The following RELN variants were observed in gnomAD, a reference collection of about 807,000 sequenced individuals.
RELN encodes the protein reelin.
RELN carries 108 observed loss-of-function variants against 427.6 expected under a neutral mutation model. The ratio of observed to expected loss-of-function variants is 0.25; its 90% confidence interval spans 0.22 to 0.30. The LOEUF (loss-of-function observed/expected upper bound fraction) is 0.30. Ranked by LOEUF, RELN falls within the 10% of genes least tolerant of loss-of-function variation. The pLI is 1.00. For missense variants in RELN, 3,715 were observed against 4,302.8 expected, an observed-to-expected ratio of 0.86 and a Z score of 3.82; for synonymous variants, 1,524 against 1,513.4, an observed-to-expected ratio of 1.01 and a Z score of -0.16.
Position 103,537,783 on chromosome 7 carries a change from G to A in RELN, c.7180+1295C>T, listed in dbSNP as rs1206486053. 2.0e-5 allele frequency among the ~76,000 whole-genome samples: 3 copies of A among 152,140 alleles called. No homozygotes were observed. In the East Asian group the frequency reaches 5.8e-4, roughly 29 times the overall value. ...GCTCTCAGTTTTAGGAGAACCCCAC[G>A]TCAGCTTCTTTGCTTCTGCTTACAG... On this transcript the variant is annotated intron_variant, in intron 45 of 64. Transcript: ENST00000428762.
intron 3 of RELN, among the ~76,000 whole-genome samples, chr7:103,800,359 C>G (rs1244005733): frequency 6.6e-6 from 1 of 152,090 alleles, no homozygotes; most frequent in Non-Finnish European, 1.5e-5. Context: ...AACAGAGAGC[C>G]AAATCATGAG....
At chr7:103,826,898 T>C (rs1793155125) in intron 3 of RELN, among the ~76,000 whole-genome samples, 1 of 152,006 alleles carries the variant, frequency 6.6e-6, no homozygotes, top group Non-Finnish European at 1.5e-5. Flanking sequence ...AAGGAACACC[T>C]TGTGGATACC....
At position 103,661,409 on chromosome 7, in the gene RELN, C is replaced by T. The variant is rs751267755; in HGVS notation, c.1408G>A (p.Gly470Ser). 2.2e-5 allele frequency: 36 copies of T among 1,613,728 alleles called. No homozygotes were observed. Among genetic ancestry groups the T allele is most frequent in the South Asian group, 2.0e-4 (18 of 91,080 alleles). ...AAGTAAAACCTCAGGTTCCCATAAC[C>T]GGTAGTGTCCATGGATGGAGTGCAT... is the stretch of plus-strand genomic sequence containing the variant. ...KLCTPSMDTT[G>S]YGNLRFYFVM... Residue 470 changes from glycine (G) to serine (S), a missense_variant, in exon 12 of 65, where the codon GGT becomes AGT. Gly to Ser is a moderately conservative substitution (Grantham distance 56). Coordinates refer to ENST00000428762, the MANE Select transcript of RELN (RefSeq NM_005045.4).
chr7:103,574,057 G>T (rs1830940821), intron 30 of RELN, 35 bp downstream of exon 30: 1 of 1,495,504 alleles, frequency 6.7e-7, no homozygotes. Flanking sequence ...TAAATAATAT[G>T]TTTGTGAAAA....
At chr7:103,752,987 G>A (rs183669001) in intron 5 of RELN, among the ~76,000 whole-genome samples, 195 bp downstream of exon 5, 35 of 152,254 alleles carry the variant, frequency 2.3e-4, no homozygotes, top group Admixed American at 1.0e-3. Flanking sequence ...TGAGCCCCCC[G>A]CTGGGCAGCA....
At chr7:103,777,775 C>T (rs1422300830) in intron 3 of RELN, among the ~76,000 whole-genome samples, 2 of 152,024 alleles carry the variant, frequency 1.3e-5, no homozygotes, top group African/African-American at 2.4e-5. Context: ...TGTCAGTCCC[C>T]GTGGACCCAA....
At chr7:103,898,803 C>G (rs896593180) in intron 2 of RELN, among the ~76,000 whole-genome samples, 1 of 151,906 alleles carries the variant, frequency 6.6e-6, no homozygotes, top group Non-Finnish European at 1.5e-5. Flanking sequence ...AAAGCTAGAG[C>G]AAAATGTTTG....
intron 51 of RELN, among the ~76,000 whole-genome samples, chr7:103,504,724 C>T (rs534535139): frequency 5.9e-5 from 9 of 152,298 alleles, no homozygotes; most frequent in South Asian, 2.1e-4. Context: ...CCAGATACTG[C>T]GCTTTTCCCA....
At chr7:103,710,928 C>T (rs143822497) in intron 8 of RELN, among the ~76,000 whole-genome samples, 1,537 of 152,294 alleles carry the variant, frequency 0.01, 20 homozygotes, top group African/African-American at 0.035. Flanking sequence ...CCTATAGTCC[C>T]AGCTACTCAG....
intron 2 of RELN, among the ~76,000 whole-genome samples, chr7:103,911,934 G>A (rs1795376224): frequency 6.6e-6 from 1 of 150,392 alleles, no homozygotes; most frequent in African/African-American, 2.4e-5. Context: ...CAGCGCACCA[G>A]CATGGCACAT....
At chr7:103,986,070 A>G (rs1745668674) in intron 1 of RELN, among the ~76,000 whole-genome samples, 2 of 150,500 alleles carry the variant, frequency 1.3e-5, no homozygotes, top group Non-Finnish European at 3.0e-5. Flanking sequence ...AAATTCTAGG[A>G]AAAAAAAAAT....
intron 47 of RELN, 145 bp from the exon 48 acceptor site, chr7:103,522,344 C>A (rs1829728145): frequency 5.4e-6 from 4 of 740,448 alleles, no homozygotes; most frequent in East Asian, 5.4e-5. Context: ...AATACACCTG[C>A]TCTCCTTAAC....
intron 2 of RELN, among the ~76,000 whole-genome samples, chr7:103,855,991 A>G (rs1200095281): frequency 6.6e-6 from 1 of 152,180 alleles, no homozygotes; most frequent in Non-Finnish European, 1.5e-5. Flanking sequence ...TCAACCCACA[A>G]TATGCCTCAA....
chr7:103,630,855 T>G (rs199648233), intron 19 of RELN, among the ~76,000 whole-genome samples: 1,040 of 87,496 alleles, frequency 0.012, 11 homozygotes, highest in Admixed American at 0.019. Context: ...TTTTTTGTTT[T>G]TTTTGTTTTT....
rs1046778408 is a variant in RELN, at chr7:103,640,704, T to C, written c.2003-95A>G. ...TACTCATGAAATATGGCCCCTTGTGTGTATGTTGTGTGCAGGAACCCAGGG... is the reference window on the plus strand; with the variant it reads ...TACTCATGAAATATGGCCCCTTGTGCGTATGTTGTGTGCAGGAACCCAGGG... On this transcript the variant is annotated intron_variant, in intron 16 of 64. Coordinates refer to ENST00000428762, the MANE Select transcript of RELN (RefSeq NM_005045.4). The surrounding 1 kb of genome is among the most constrained non-coding windows in gnomAD (Gnocchi z 4.1). 30 of 1,264,612 alleles carry C rather than the reference T, an allele frequency of 2.4e-5. No homozygotes were observed. The highest frequency in any genetic ancestry group is 3.3e-5 in the Non-Finnish European group (29 of 886,150). The allele number at this position is 1,264,612 out of a possible 1,614,324, so 78.3% of individuals were successfully genotyped here. A position where few individuals can be genotyped will look rare whatever the true frequency, so the allele number is the denominator to read the frequency against.
At chr7:103,491,840 TCTCTCTCTCTCTCTCTCA>T (rs1562848306) in intron 58 of RELN, 95 bp downstream of exon 58, 3 of 616,136 alleles carry the variant, frequency 4.9e-6, no homozygotes, top group South Asian at 1.6e-5. Flanking sequence ...TCTCTCTCTC[TCTCTCTCTCTCTCTCTCA>T]CACACACACA....
intron 3 of RELN, among the ~76,000 whole-genome samples, chr7:103,826,320 A>ATGTGTGTG (rs71154374): frequency 0.012 from 1,423 of 122,036 alleles, 9 homozygotes; most frequent in South Asian, 0.017. Context: ...GACTAAGACA[A>ATGTGTGTG]TGTGTGTGTG....
At chr7:103,777,456 A>G (rs961801305) in intron 3 of RELN, among the ~76,000 whole-genome samples, 1 of 152,234 alleles carries the variant, frequency 6.6e-6, no homozygotes, top group East Asian at 1.9e-4. Context: ...AAAAATTAGC[A>G]TGAAATCTTA....
chr7:103,522,492 A>G (rs1026650772), intron 47 of RELN, among the ~76,000 whole-genome samples: 2 of 152,192 alleles, frequency 1.3e-5, no homozygotes, highest in African/African-American at 2.4e-5. Flanking sequence ...CACAGCTCTG[A>G]AGGGCTGATA....
Sources: gnomAD v4.1 joint callset for allele counts (sites outside exome capture counted in the v4.1 genomes callset) on GRCh38, gnomAD v4.1.1 for gene constraint, Gnocchi (gnomAD v3.1) non-coding constraint, MANE v1.5 for transcripts, NCBI Gene and HGNC (gene_info 2026-07-23, HGNC 2026-07-21) for gene names.